Variants in DENND4C observed in about 807,000 individuals in gnomAD.
DENND4C encodes DENN domain-containing protein 4C.
A neutral mutation model predicts 203.0 loss-of-function variants in DENND4C; 108 were observed. The observed-to-expected ratio is 0.53, with a 90% CI of 0.46 to 0.62. DENND4C has a LOEUF of 0.62. Ranked by LOEUF, DENND4C falls within the 20% of genes least tolerant of loss-of-function variation. DENND4C has a pLI of 0.00. For synonymous variants in DENND4C, 871 were observed against 792.4 expected, an observed-to-expected ratio of 1.10 and a Z score of -1.67; for missense variants, 2,481 against 2,301.2, an observed-to-expected ratio of 1.08 and a Z score of -1.60.
In DENND4C at chr9:19,279,097, G is replaced by A. The variant is rs551816797; in HGVS notation, c.305+2618G>A. 5.9e-5 allele frequency among the ~76,000 whole-genome samples: 8 copies of A among 136,580 alleles called. 2 individuals carry two copies. The highest frequency in any genetic ancestry group is 1.7e-4 in the African/African-American group (6 of 36,064). 89.6% of individuals were successfully genotyped at this position (136,580 alleles called of 152,430 possible). A position where few individuals can be genotyped will look rare whatever the true frequency, so the allele number is the denominator to read the frequency against. On this transcript the variant is annotated intron_variant, in intron 2 of 32. Coordinates refer to ENST00000434457, the MANE Select transcript of DENND4C (RefSeq NM_001330640.2). ...TGTAATCCCAGCACTTTGGGAGGCC[G>A]AGGCAAGCGGATCACAAGGTCAAGG... is the stretch of plus-strand genomic sequence containing the variant.
Position 19,296,269 on chromosome 9 carries a change from T to A in DENND4C, c.1040+23T>A, listed in dbSNP as rs201528021. 7.4e-6 allele frequency: 11 copies of A among 1,494,658 alleles called. No homozygotes were observed. In the African/African-American group the frequency reaches 1.4e-4, roughly 19 times the overall value. 92.6% of individuals were successfully genotyped at this position (1,494,658 alleles called of 1,614,324 possible). A position where few individuals can be genotyped will look rare whatever the true frequency, so the allele number is the denominator to read the frequency against. On this transcript the variant is annotated intron_variant, in intron 6 of 32. Coordinates refer to ENST00000434457, the MANE Select transcript of DENND4C (RefSeq NM_001330640.2). ...AAAGTATGTATAATGATTAGAAAGA[T>A]GGCTGGTGGAAAACTGGGTATATAA...
chr9:19,361,804 G>A (rs1420584216), intron 29 of DENND4C, 42 bp from the exon 30 acceptor site: 3 of 1,212,128 alleles, frequency 2.5e-6, no homozygotes, highest in Non-Finnish European at 3.7e-6. Flanking sequence ...ACTGGTAATT[G>A]TTATTCTCGG....
At chr9:19,238,445 T>G (rs1477187412) in intron 1 of DENND4C, among the ~76,000 whole-genome samples, 1 of 122,904 alleles carries the variant, frequency 8.1e-6, no homozygotes, top group Non-Finnish European at 1.7e-5. Context: ...GGTTTTCTCT[T>G]TCCTTCCCCT....
chr9:19,367,501 T>C (rs766549528), intron 30 of DENND4C, among the ~76,000 whole-genome samples: 4 of 152,192 alleles, frequency 2.6e-5, no homozygotes, highest in Non-Finnish European at 2.9e-5. Context: ...TTTGGGAGGC[T>C]GAGGCCGGCA....
chr9:19,258,794 A>G (rs1192438618), intron 1 of DENND4C, among the ~76,000 whole-genome samples: 2 of 151,970 alleles, frequency 1.3e-5, no homozygotes, highest in African/African-American at 4.8e-5. Flanking sequence ...AGCTGGGACT[A>G]CAGGTGCACG....
In DENND4C at chr9:19,358,108, C is replaced by T. The variant is rs370998705; in HGVS notation, c.5108C>T (p.Pro1703Leu). 53 of 1,613,824 alleles carry T rather than the reference C, an allele frequency of 3.3e-5. No individual in the cohort carries two copies. Among genetic ancestry groups the T allele is most frequent in the Non-Finnish European group, 4.5e-5 (53 of 1,179,794 alleles). Residue 1703 changes from proline to leucine, a missense_variant, in exon 28 of 33, where the codon CCG becomes CTG. Around this residue, in one of 3 missense-constraint regions of DENND4C, gnomAD observed 2,289 missense variants for 2,113.3 expected, o/e 1.08. Transcript: ENST00000434457. This position sits in a 1 kb window ranked among gnomAD's most constrained non-coding sequence, Gnocchi z 4.8. ...PLQNIDFTQRPFHGISTVSLP... is the reference protein window; with the variant it reads ...PLQNIDFTQRLFHGISTVSLP... ...CAGAATATTGACTTTACCCAGCGAC[C>T]GTTTCATGGCATCTCAACAGTTAGT...
In DENND4C at chr9:19,369,850, A is replaced by G. The variant is rs1397381149; in HGVS notation, c.5538A>G (p.Lys1846=). 6.3e-7 allele frequency: 1 copy of G among 1,589,578 alleles called. No individual in the cohort carries two copies. Among genetic ancestry groups the G allele is most frequent in the Non-Finnish European group, 8.5e-7 (1 of 1,171,112 alleles). The change falls in exon 31 of 33, where the codon AAA becomes AAG. Residue 1846 remains lysine (K), a synonymous_variant. Transcript: ENST00000434457. ...VSWRNFNSEK[K]SSLLSEEQQE... ...TCTTATTGTTAGATTCTGAAAAGAA[A>G]TCATCTCTCCTGTCAGAGGAACAAC...
chr9:19,312,675 G>A (rs1840979893), intron 10 of DENND4C, among the ~76,000 whole-genome samples: 2 of 152,112 alleles, frequency 1.3e-5, no homozygotes, highest in Admixed American at 1.3e-4. Context: ...TGTGATGGTG[G>A]ATTTGTCAAT....
chr9:19,252,787 G>A (rs1378912728), intron 1 of DENND4C, among the ~76,000 whole-genome samples: 2 of 151,994 alleles, frequency 1.3e-5, no homozygotes, highest in African/African-American at 4.8e-5. Flanking sequence ...TCAGGCTAGG[G>A]TGCAGTGGCA....
chr9:19,335,189 A>G (rs1004656755), intron 18 of DENND4C, 84 bp downstream of exon 18: 3 of 984,748 alleles, frequency 3.0e-6, no homozygotes, highest in Admixed American at 3.6e-5. Flanking sequence ...TGAAACTCCT[A>G]TTAAAGGAAG....
intron 10 of DENND4C, among the ~76,000 whole-genome samples, chr9:19,313,849 C>A (rs946933405): frequency 2.6e-5 from 4 of 152,084 alleles, no homozygotes; most frequent in African/African-American, 4.8e-5. Flanking sequence ...GTAATGAATT[C>A]TCAGGGGAGA....
chr9:19,337,722 G>A (rs1563817978), intron 20 of DENND4C: 3 of 1,109,236 alleles, frequency 2.7e-6, no homozygotes, highest in Non-Finnish European at 3.6e-6. Context: ...AAGGGTGGGG[G>A]AAAGACCTTT....
intron 1 of DENND4C, among the ~76,000 whole-genome samples, chr9:19,275,229 C>T (rs752322588): frequency 6.6e-6 from 1 of 151,080 alleles, no homozygotes; most frequent in African/African-American, 2.4e-5. Flanking sequence ...CCACCCGCCT[C>T]GGCCTCCCAA....
intron 2 of DENND4C, among the ~76,000 whole-genome samples, chr9:19,284,145 G>A (rs1437308530): frequency 6.6e-6 from 1 of 152,040 alleles, no homozygotes; most frequent in Admixed American, 6.5e-5. Context: ...TGTTTGCTAA[G>A]CTAATTGAAA....
chr9:19,271,020 G>C (rs919530324), intron 1 of DENND4C, among the ~76,000 whole-genome samples: 1 of 152,090 alleles, frequency 6.6e-6, no homozygotes, highest in Non-Finnish European at 1.5e-5. Flanking sequence ...TCTGACCAAA[G>C]ATGTGGAAGA....
At chr9:19,350,586 G>T in intron 23 of DENND4C, 116 bp from the exon 24 acceptor site, 2 of 802,370 alleles carry the variant, frequency 2.5e-6, no homozygotes, top group South Asian at 4.8e-5. Flanking sequence ...GAAAAATGTG[G>T]GGATGATGAT....
rs544854096 is a variant in DENND4C at position 19,372,806 on chromosome 9, G to C, written c.*633G>C. The C allele has an allele frequency of 1.4e-5, 2 of 146,456 alleles. No individual in the cohort carries two copies. The highest frequency in any genetic ancestry group is 2.6e-5 in the African/African-American group (1 of 38,522). The allele number at this position is 146,456 out of a possible 1,614,324, so 9.1% of individuals were successfully genotyped here. The stretch of plus-strand genomic sequence containing the variant: ...TGAACTGAGGCAGAGGCTACAGTGA[G>C]TGGAGATCACGCCACTGCAACTCCA... On this transcript the variant is annotated 3_prime_UTR_variant, in exon 33 of 33. Coordinates refer to ENST00000434457, the MANE Select transcript of DENND4C (RefSeq NM_001330640.2).
intron 30 of DENND4C, among the ~76,000 whole-genome samples, chr9:19,369,446 G>A (rs1828336092): frequency 6.6e-6 from 1 of 152,140 alleles, no homozygotes; most frequent in South Asian, 2.1e-4. Flanking sequence ...TAAGCAAGGA[G>A]AAAATGCGAC....
intron 20 of DENND4C, among the ~76,000 whole-genome samples, chr9:19,340,736 C>A (rs966243812): frequency 6.6e-6 from 1 of 152,170 alleles, no homozygotes; most frequent in African/African-American, 2.4e-5. Flanking sequence ...AACATCTTGT[C>A]TAAATCTTTT....
Sources: allele counts gnomAD v4.1 joint callset (sites outside exome capture counted in the v4.1 genomes callset), GRCh38; gene constraint gnomAD v4.1.1; regional missense constraint gnomAD v4.1.1; non-coding constraint Gnocchi (gnomAD v3.1); transcripts MANE v1.5; gene names NCBI Gene and HGNC (gene_info 2026-07-23, HGNC 2026-07-21).